NREP: variants seen among roughly 807,000 people sequenced by gnomAD.
The protein encoded by NREP is neuronal regeneration-related protein.
In NREP, 5 loss-of-function variants were observed where a neutral mutation model predicts 8.6. The ratio of observed to expected loss-of-function variants is 0.58; its 90% confidence interval spans 0.30 to 1.22. The LOEUF (loss-of-function observed/expected upper bound fraction) is 1.22. Ranked by LOEUF, NREP falls within the 50% of genes most tolerant of loss-of-function variation. The pLI is 0.07. For missense variants in NREP, 86 were observed against 82.5 expected (o/e 1.04, Z -0.17); for synonymous variants, 27 against 28.0 (o/e 0.96, Z 0.11).
intron 2 of NREP, among the ~76,000 whole-genome samples, chr5:111,837,527 C>T (rs573572293): frequency 7.9e-4 from 120 of 152,100 alleles, no homozygotes; most frequent in Admixed American, 1.6e-3. Flanking sequence ...GCTATTAAGT[C>T]ACTTCCTTAC....
intron 2 of NREP, among the ~76,000 whole-genome samples, chr5:111,805,608 G>T (rs1379840154): frequency 6.6e-6 from 1 of 152,186 alleles, no homozygotes; most frequent in Non-Finnish European, 1.5e-5. Flanking sequence ...ATATATATGT[G>T]TGTGCTTATA....
chr5:111,856,685 G>A (rs1355147702), intron 2 of NREP, among the ~76,000 whole-genome samples: 3 of 151,418 alleles, frequency 2.0e-5, no homozygotes, highest in African/African-American at 7.3e-5. Flanking sequence ...TAATCACCAA[G>A]TTGATTGTAT....
chr5:111,924,929 G>A (rs531028769), intron 2 of NREP, among the ~76,000 whole-genome samples: 6 of 152,214 alleles, frequency 3.9e-5, no homozygotes, highest in East Asian at 3.9e-4. Flanking sequence ...ATGTCTCCAC[G>A]TAATAAGGGA....
At chr5:111,955,105 C>T (rs1451559138) in intron 2 of NREP, among the ~76,000 whole-genome samples, 1 of 152,154 alleles carries the variant, frequency 6.6e-6, no homozygotes, top group Admixed American at 6.6e-5. Context: ...TTCTCTTCTA[C>T]TATCAGACTT....
At chr5:111,956,515 T>A (rs1384345027) in intron 2 of NREP, among the ~76,000 whole-genome samples, 2 of 151,948 alleles carry the variant, frequency 1.3e-5, no homozygotes, top group African/African-American at 2.4e-5. Flanking sequence ...GATTTTTTTT[T>A]AAATCAAGTG....
chr5:111,818,722 T>G (rs1752448477), intron 2 of NREP, among the ~76,000 whole-genome samples: 1 of 152,188 alleles, frequency 6.6e-6, no homozygotes, highest in African/African-American at 2.4e-5. Flanking sequence ...TATGCATGTG[T>G]AAAGTAATGT....
At chr5:111,744,763 G>GT (rs1243254793) in intron 2 of NREP, among the ~76,000 whole-genome samples, 1 of 152,118 alleles carries the variant, frequency 6.6e-6, no homozygotes, top group East Asian at 1.9e-4. Context: ...GGCTTCAAGA[G>GT]TTGTGAAAAT....
chr5:111,849,627 TA>T (rs1176364468), intron 2 of NREP, among the ~76,000 whole-genome samples: 3 of 152,138 alleles, frequency 2.0e-5, no homozygotes, highest in Non-Finnish European at 4.4e-5. Context: ...AATTCAGGGA[TA>T]TTTTTTGAAT....
chr5:111,925,589 G>A (rs895111929), intron 2 of NREP, among the ~76,000 whole-genome samples: 2 of 152,128 alleles, frequency 1.3e-5, no homozygotes, highest in African/African-American at 4.8e-5. Context: ...AATATCAGGG[G>A]CTGCCTGAGT....
intron 2 of NREP, chr5:111,975,222 A>C (rs981207054): frequency 1.5e-6 from 2 of 1,356,148 alleles, no homozygotes; most frequent in South Asian, 2.5e-5. Flanking sequence ...TGGAAACCCA[A>C]CTTGAACTAG....
At chr5:111,855,244 A>G (rs889408953) in intron 2 of NREP, among the ~76,000 whole-genome samples, 10 of 152,186 alleles carry the variant, frequency 6.6e-5, no homozygotes, top group African/African-American at 2.4e-4. Context: ...CTGCCTACCA[A>G]CGCTTATTGG....
intron 2 of NREP, among the ~76,000 whole-genome samples, chr5:111,788,172 C>A (rs1561666579): frequency 6.6e-6 from 1 of 152,086 alleles, no homozygotes; most frequent in Non-Finnish European, 1.5e-5. Flanking sequence ...GTTCTTGAGC[C>A]CAGTGGATTG....
At chr5:111,966,439 T>C (rs748056106) in intron 2 of NREP, among the ~76,000 whole-genome samples, 2 of 152,198 alleles carry the variant, frequency 1.3e-5, no homozygotes, top group Non-Finnish European at 2.9e-5. Context: ...ATTGGGATTT[T>C]TAAAATGTAG....
At chr5:111,744,094 T>A (rs1056343530) in intron 2 of NREP, among the ~76,000 whole-genome samples, 59 of 152,294 alleles carry the variant, frequency 3.9e-4, no homozygotes, top group Non-Finnish European at 5.7e-4. Context: ...AAAGCATTCC[T>A]CTTGTTGACA....
At chr5:111,888,437 C>A (rs1051355441) in intron 2 of NREP, among the ~76,000 whole-genome samples, 2 of 152,060 alleles carry the variant, frequency 1.3e-5, no homozygotes, top group Non-Finnish European at 2.9e-5. Flanking sequence ...GAGTACCAAG[C>A]AAAGGGGGAA....
chr5:111,867,414 C>G (rs1753692919), intron 2 of NREP, among the ~76,000 whole-genome samples: 2 of 152,148 alleles, frequency 1.3e-5, no homozygotes, highest in Non-Finnish European at 2.9e-5. Flanking sequence ...CTTGCACGTG[C>G]TCACTTGCTC....
upstream of NREP, chr5:111,757,256 G>A (rs1750780815): frequency 4.0e-6 from 1 of 248,340 alleles, no homozygotes; most frequent in Middle Eastern, 2.1e-3. Flanking sequence ...TTGGGGGAGG[G>A]AGGGGGAGGG....
chr5:111,960,711 T>C (rs1756456453), intron 2 of NREP, among the ~76,000 whole-genome samples: 1 of 152,206 alleles, frequency 6.6e-6, no homozygotes, highest in African/African-American at 2.4e-5. Flanking sequence ...TATTCTAACA[T>C]GGGATTTACA....
intron 2 of NREP, among the ~76,000 whole-genome samples, chr5:111,909,257 G>A (rs533355223): frequency 6.6e-6 from 1 of 152,066 alleles, no homozygotes; most frequent in South Asian, 2.1e-4. Context: ...TTAGCAATGG[G>A]AACAATGCCA....
Sources: allele counts gnomAD v4.1 joint callset (sites outside exome capture counted in the v4.1 genomes callset), GRCh38; gene constraint gnomAD v4.1.1; transcripts MANE v1.5; gene names NCBI Gene and HGNC (gene_info 2026-07-23, HGNC 2026-07-21).